Variants in DAB1 observed in about 807,000 individuals in gnomAD.
The protein encoded by DAB1 is DAB adaptor protein 1.
A neutral mutation model predicts 64.6 loss-of-function variants in DAB1; 15 were observed. The observed-to-expected ratio is 0.23, with a 90% confidence interval of 0.16 to 0.36. The LOEUF (loss-of-function observed/expected upper bound fraction) is 0.36. DAB1 is among the 10% of genes least tolerant of loss of function. The probability of loss-of-function intolerance (pLI) is 1.00; values close to 1 mark genes in which losing one functional copy is unlikely to be tolerated. For synonymous variants in DAB1, 235 were observed against 251.9 expected (o/e 0.93, Z 0.64); for missense variants, 596 against 706.7 (o/e 0.84, Z 1.78).
chr1:57,654,561 T>C (rs56324611), intron 6 of DAB1, among the ~76,000 whole-genome samples: 3,205 of 152,350 alleles, frequency 0.021, 108 homozygotes, highest in African/African-American at 0.073. Flanking sequence ...TGGGTATATA[T>C]GTTGAAAATA....
At chr1:58,424,116 T>C (rs1644798247) in intron 3 of DAB1, among the ~76,000 whole-genome samples, 1 of 152,186 alleles carries the variant, frequency 6.6e-6, no homozygotes, top group Non-Finnish European at 1.5e-5. Context: ...AGGCCTTAGT[T>C]CCAAGCTGAT....
chr1:57,619,576 C>T (rs6683960), intron 7 of DAB1, among the ~76,000 whole-genome samples: 45,617 of 151,718 alleles, frequency 0.3, 8,114 homozygotes, highest in African/African-American at 0.5. Context: ...ATTTTTTAAA[C>T]TATTTTTGTA....
intron 9 of DAB1, among the ~76,000 whole-genome samples, chr1:57,049,544 G>T (rs968522171): frequency 6.6e-6 from 1 of 150,614 alleles, no homozygotes; most frequent in East Asian, 2.0e-4. Flanking sequence ...CAGGGTGCTT[G>T]GTCCCTGTCT....
chr1:58,253,624 C>G (rs1000876), intron 4 of DAB1, among the ~76,000 whole-genome samples: 68,557 of 152,038 alleles, frequency 0.45, 16,271 homozygotes, highest in East Asian at 0.67. Context: ...GTGATATTCA[C>G]AAGAATCCTT....
intron 2 of DAB1, among the ~76,000 whole-genome samples, chr1:58,508,484 A>G (rs998498251): frequency 6.6e-6 from 1 of 152,152 alleles, no homozygotes; most frequent in African/African-American, 2.4e-5. Context: ...AACAACATCA[A>G]ACCTGGTAGA....
At chr1:58,360,925 T>C (rs925728536) in intron 3 of DAB1, among the ~76,000 whole-genome samples, 3 of 152,250 alleles carry the variant, frequency 2.0e-5, no homozygotes, top group African/African-American at 7.2e-5. Context: ...ATAAATTGCT[T>C]TGTAATCAGC....
At chr1:57,506,214 G>T (rs1283778252) in intron 7 of DAB1, among the ~76,000 whole-genome samples, 1 of 152,130 alleles carries the variant, frequency 6.6e-6, no homozygotes, top group African/African-American at 2.4e-5. Flanking sequence ...AAGGAGGAAA[G>T]GGGAACTTTT....
intron 6 of DAB1, among the ~76,000 whole-genome samples, chr1:57,691,590 G>A (rs995086370): frequency 6.6e-6 from 1 of 152,088 alleles, no homozygotes; most frequent in African/African-American, 2.4e-5. Flanking sequence ...GAAGGTCTGT[G>A]GCTTCATTCT....
chr1:58,306,147 A>G (rs1282534609), intron 4 of DAB1, among the ~76,000 whole-genome samples: 1 of 152,196 alleles, frequency 6.6e-6, no homozygotes, highest in Non-Finnish European at 1.5e-5. Flanking sequence ...GTGAGCACTC[A>G]TTATTGGAGA....
intron 1 of DAB1, among the ~76,000 whole-genome samples, chr1:57,837,017 T>C (rs543064098): frequency 1.3e-5 from 2 of 152,150 alleles, no homozygotes; most frequent in African/African-American, 4.8e-5. Flanking sequence ...TGCTCCCTTC[T>C]AATCCATCAC....
chr1:57,735,964 G>A (rs1273115001), intron 6 of DAB1, among the ~76,000 whole-genome samples: 1 of 152,064 alleles, frequency 6.6e-6, no homozygotes, highest in Non-Finnish European at 1.5e-5. Context: ...ACATTTCTCA[G>A]AGGGACCTTC....
intron 4 of DAB1, among the ~76,000 whole-genome samples, chr1:58,269,389 C>A (rs1661257934): frequency 6.7e-6 from 1 of 149,772 alleles, no homozygotes; most frequent in African/African-American, 2.4e-5. Flanking sequence ...GTATATGTGC[C>A]ACATTTTCTT....
chr1:57,202,784 T>G (rs1665212403), intron 2 of DAB1, among the ~76,000 whole-genome samples: 1 of 152,172 alleles, frequency 6.6e-6, no homozygotes, highest in East Asian at 1.9e-4. Context: ...TCATGTAATT[T>G]CCCTTCTTTA....
chr1:57,607,706 C>T (rs898586942), intron 7 of DAB1, among the ~76,000 whole-genome samples: 1 of 152,174 alleles, frequency 6.6e-6, no homozygotes, highest in African/African-American at 2.4e-5. Flanking sequence ...GCATCACACA[C>T]ATTTATTTCC....
intron 1 of DAB1, among the ~76,000 whole-genome samples, chr1:57,304,791 C>T (rs936486333): frequency 6.6e-6 from 1 of 152,104 alleles, no homozygotes; most frequent in East Asian, 1.9e-4. Flanking sequence ...ATTACGTAAT[C>T]CATACTTCTC....
intron 7 of DAB1, among the ~76,000 whole-genome samples, chr1:57,588,538 C>G (rs552000806): frequency 6.6e-6 from 1 of 152,026 alleles, no homozygotes; most frequent in African/African-American, 2.4e-5. Context: ...TAGAGTACAT[C>G]AAAGAAAAAA....
intron 4 of DAB1, among the ~76,000 whole-genome samples, chr1:57,116,794 T>C (rs912330795): frequency 2.0e-5 from 3 of 152,174 alleles, no homozygotes; most frequent in African/African-American, 7.2e-5. Context: ...ATCCTTGAAA[T>C]ATACAGCAGG....
chr1:57,280,071 G>A (rs1352970774), intron 2 of DAB1, among the ~76,000 whole-genome samples: 1 of 152,190 alleles, frequency 6.6e-6, no homozygotes, highest in East Asian at 1.9e-4. Context: ...AGGCTCTGGG[G>A]TTAGAAAGAT....
chr1:58,050,991 C>T (rs890488448), intron 5 of DAB1, among the ~76,000 whole-genome samples: 2 of 152,130 alleles, frequency 1.3e-5, no homozygotes, highest in African/African-American at 4.8e-5. Context: ...ATGTCTTACT[C>T]CATTTTGTAT....
Sources: allele counts gnomAD v4.1 joint callset (sites outside exome capture counted in the v4.1 genomes callset), GRCh38; gene constraint gnomAD v4.1.1; transcripts MANE v1.5; gene names NCBI Gene and HGNC (gene_info 2026-07-23, HGNC 2026-07-21).